DERA: variants seen among roughly 807,000 people sequenced by gnomAD.
The protein encoded by DERA is 2-deoxy-D-ribose 5-phosphate aldolase.
DERA carries 15 observed loss-of-function variants against 41.1 expected under a neutral mutation model. That is an observed-to-expected ratio of 0.37 (90% confidence interval 0.24 to 0.56). DERA has a LOEUF of 0.56. Among genes scored for constraint, DERA ranks in the 20% least tolerant of loss-of-function variants. The pLI is 0.81. For synonymous variants in DERA, 139 were observed against 137.4 expected (o/e 1.01, Z -0.08); for missense variants, 396 against 403.4 (o/e 0.98, Z 0.16).
In DERA at chr12:15,922,455, C is replaced by T. The variant is rs1948251049; in HGVS notation, c.31+11041C>T. Reference sequence around the variant, plus strand: ...GTCTGCAGATGAATGCTATATTTGACTGAGTGTTGCATTAAACTACTAATA... The same window carrying T: ...GTCTGCAGATGAATGCTATATTTGATTGAGTGTTGCATTAAACTACTAATA... On this transcript the variant is annotated intron_variant, in intron 1 of 8. Transcript: ENST00000428559. The surrounding 1 kb of genome is among the most constrained non-coding windows in gnomAD (Gnocchi z 4.9). Among the ~76,000 whole-genome samples the T allele has an allele frequency of 1.3e-5, 2 of 152,146 alleles. No individual in the cohort carries two copies. The highest frequency in any genetic ancestry group is 2.1e-4 in the South Asian group (1 of 4,830).
chr12:16,021,817 G>A lies in DERA; in HGVS notation c.638-10725G>A, dbSNP rs1037027072. Among the ~76,000 whole-genome samples the A allele has an allele frequency of 3.3e-5, 5 of 152,146 alleles. No homozygotes were observed. Among genetic ancestry groups the A allele is most frequent in the African/African-American group, 4.8e-5 (2 of 41,422 alleles). ...TTTTTTGGCTGATTTCTCCCTTTGG[G>A]AATGGTAATGTTTACCCAGCACCTT... On this transcript the variant is annotated intron_variant, in intron 6 of 8. Coordinates refer to ENST00000428559, the MANE Select transcript of DERA (RefSeq NM_015954.4). The surrounding 1 kb of genome is among the most constrained non-coding windows in gnomAD (Gnocchi z 5.3).
rs1591993883 is a variant in DERA, at chr12:15,911,497, T to A, written c.31+83T>A. 1.5e-6 allele frequency: 2 copies of A among 1,310,482 alleles called. No individual in the cohort carries two copies. Among genetic ancestry groups the A allele is most frequent in the Non-Finnish European group, 2.0e-6 (2 of 989,514 alleles). The allele number at this position is 1,310,482 out of a possible 1,614,324, so 81.2% of individuals were successfully genotyped here. ...TAGCGCGGGGCCTGCTGCCGCCCAGTGCCCTGGCTGTGGGTCCCCGAGGGG... is the reference window on the plus strand; with the variant it reads ...TAGCGCGGGGCCTGCTGCCGCCCAGAGCCCTGGCTGTGGGTCCCCGAGGGG... On this transcript the variant is annotated intron_variant, in intron 1 of 8. Coordinates refer to ENST00000428559, the MANE Select transcript of DERA (RefSeq NM_015954.4). The surrounding 1 kb of genome is among the most constrained non-coding windows in gnomAD (Gnocchi z 4.5).
In DERA at chr12:15,960,336, TATA is replaced by T. The variant is rs1168265562; in HGVS notation, c.373+421_373+423del. ...TTCTGTTATACATATATATGTAAAA[TATA>T]ATAATAATGATATGCGGGCTGGGGA... On this transcript the variant is annotated intron_variant, in intron 4 of 8. Coordinates refer to ENST00000428559, the MANE Select transcript of DERA (RefSeq NM_015954.4). Among the ~76,000 whole-genome samples, 21 of 150,326 alleles carry T rather than the reference TATA, an allele frequency of 1.4e-4. No homozygotes were observed. In the South Asian group the frequency reaches 3.8e-3, roughly 27 times the overall value.
chr12:15,958,554 A>G (rs544094537), intron 3 of DERA, among the ~76,000 whole-genome samples: 1 of 147,658 alleles, frequency 6.8e-6, no homozygotes, highest in South Asian at 2.2e-4. Flanking sequence ...CTTTCCATCA[A>G]TGGATTAAAA....
rs906425837 is a variant in DERA at position 15,954,792 on chromosome 12, A to G, written c.32-2144A>G. Reference sequence around the variant, plus strand: ...GGTGCGTTGGGAGTAGAGAATGGGAAGGACTTCAGGGGTGTCCTGTGACCG... The same window carrying G: ...GGTGCGTTGGGAGTAGAGAATGGGAGGGACTTCAGGGGTGTCCTGTGACCG... On this transcript the variant is annotated intron_variant, in intron 1 of 8. Coordinates refer to ENST00000428559, the MANE Select transcript of DERA (RefSeq NM_015954.4). The surrounding 1 kb of genome is among the most constrained non-coding windows in gnomAD (Gnocchi z 4.0). 1.3e-5 allele frequency among the ~76,000 whole-genome samples: 2 copies of G among 152,252 alleles called. No homozygotes were observed. Among genetic ancestry groups the G allele is most frequent in the Admixed American group, 1.3e-4 (2 of 15,298 alleles).
intron 1 of DERA, among the ~76,000 whole-genome samples, chr12:15,948,215 C>T (rs577958751): frequency 2.0e-5 from 3 of 152,184 alleles, no homozygotes; most frequent in South Asian, 2.1e-4. Flanking sequence ...ATCTTTGTGG[C>T]GTTCTCTGTA....
Position 16,024,882 on chromosome 12 carries a change from A to G in DERA, c.638-7660A>G, listed in dbSNP as rs918683310. 4.6e-5 allele frequency among the ~76,000 whole-genome samples: 7 copies of G among 152,218 alleles called. No homozygotes were observed. The South Asian group carries it at 1.0e-3, about 23-fold the overall frequency. ...TAATATAACAATTTATTGAATTGTTATATTACCAGATAGGTAAGCTGAAAT... is the reference window on the plus strand; with the variant it reads ...TAATATAACAATTTATTGAATTGTTGTATTACCAGATAGGTAAGCTGAAAT... On this transcript the variant is annotated intron_variant, in intron 6 of 8. Coordinates refer to ENST00000428559, the MANE Select transcript of DERA (RefSeq NM_015954.4).
intron 6 of DERA, among the ~76,000 whole-genome samples, chr12:15,991,249 G>T (rs1948800225): frequency 6.6e-6 from 1 of 152,132 alleles, no homozygotes; most frequent in African/African-American, 2.4e-5. Flanking sequence ...CCACATGTAT[G>T]TCTTCTTTTG....
chr12:15,918,556 T>C lies in DERA; in HGVS notation c.31+7142T>C, dbSNP rs1948218008. Among the ~76,000 whole-genome samples the C allele has an allele frequency of 6.6e-6, 1 of 152,212 alleles. No individual in the cohort carries two copies. Among genetic ancestry groups the C allele is most frequent in the South Asian group, 2.1e-4 (1 of 4,834 alleles). On this transcript the variant is annotated intron_variant, in intron 1 of 8. Transcript: ENST00000428559. This position sits in a 1 kb window ranked among gnomAD's most constrained non-coding sequence, Gnocchi z 4.3. ...GGGAAGGGGGCCAGAATAATTTGTT[T>C]TTTTTAATTTTTAAAATGTAAATAT...
intron 6 of DERA, among the ~76,000 whole-genome samples, chr12:16,030,131 G>A (rs768211577): frequency 4.1e-5 from 6 of 147,340 alleles, no homozygotes; most frequent in Admixed American, 2.7e-4. Flanking sequence ...ATGGAGTTTC[G>A]CTATGTTGGC....
At position 15,984,223 on chromosome 12, in the gene DERA, C is replaced by A. The variant is rs1248352308; in HGVS notation, c.637+1787C>A. Among the ~76,000 whole-genome samples the A allele has an allele frequency of 6.6e-6, 1 of 152,156 alleles. No homozygotes were observed. Among genetic ancestry groups the A allele is most frequent in the Non-Finnish European group, 1.5e-5 (1 of 68,036 alleles). On this transcript the variant is annotated intron_variant, in intron 6 of 8. Coordinates refer to ENST00000428559, the MANE Select transcript of DERA (RefSeq NM_015954.4). This position sits in a 1 kb window ranked among gnomAD's most constrained non-coding sequence, Gnocchi z 4.5. ...GTTACCCCAGCTGTTATCCTGGTCACAATGAAAGTGTATTCATTCTGGGAG... is the reference window on the plus strand; with the variant it reads ...GTTACCCCAGCTGTTATCCTGGTCAAAATGAAAGTGTATTCATTCTGGGAG...
chr12:15,994,150 C>G lies in DERA; in HGVS notation c.637+11714C>G, dbSNP rs992461180. 1.3e-5 allele frequency among the ~76,000 whole-genome samples: 2 copies of G among 152,196 alleles called. No individual in the cohort carries two copies. Among genetic ancestry groups the G allele is most frequent in the Non-Finnish European group, 2.9e-5 (2 of 68,042 alleles). Reference sequence around the variant, plus strand: ...CTAGAAAAATTCACAGGTGCAAAGACTGGTACATAGTAAATGCCTAGTACA... The same window carrying G: ...CTAGAAAAATTCACAGGTGCAAAGAGTGGTACATAGTAAATGCCTAGTACA... On this transcript the variant is annotated intron_variant, in intron 6 of 8. Coordinates refer to ENST00000428559, the MANE Select transcript of DERA (RefSeq NM_015954.4). This position sits in a 1 kb window ranked among gnomAD's most constrained non-coding sequence, Gnocchi z 4.8.
Position 15,959,728 on chromosome 12 carries a change from C to T in DERA, c.278-101C>T, listed in dbSNP as rs1293548812. 3.5e-5 allele frequency: 24 copies of T among 689,348 alleles called. No homozygotes were observed. The Admixed American group carries it at 5.3e-4, about 15-fold the overall frequency. The allele number at this position is 689,348 out of a possible 1,614,324, so 42.7% of individuals were successfully genotyped here. The stretch of plus-strand genomic sequence containing the variant: ...TATTGTGGGGGAATTATTTTTTTCT[C>T]ATTTGATTTTTGCCAGTGTTGCGAT... On this transcript the variant is annotated intron_variant, in intron 3 of 8. Coordinates refer to ENST00000428559, the MANE Select transcript of DERA (RefSeq NM_015954.4). The surrounding 1 kb of genome is among the most constrained non-coding windows in gnomAD (Gnocchi z 4.5).
rs1333579101 is a variant in DERA, at chr12:16,037,159, T to A, written c.*413T>A. The stretch of plus-strand genomic sequence containing the variant: ...CAGGAGTCACTGATTCAGCACTAAT[T>A]TCCTGCTGTGAAAACTCATCTTTCA... On this transcript the variant is annotated 3_prime_UTR_variant, in exon 9 of 9. Coordinates refer to ENST00000428559, the MANE Select transcript of DERA (RefSeq NM_015954.4). This position sits in a 1 kb window ranked among gnomAD's most constrained non-coding sequence, Gnocchi z 6.7. 1 of 154,886 alleles carries A rather than the reference T, an allele frequency of 6.5e-6. No individual in the cohort carries two copies. Among genetic ancestry groups the A allele is most frequent in the African/African-American group, 2.4e-5 (1 of 41,534 alleles). 9.6% of individuals were successfully genotyped at this position (154,886 alleles called of 1,614,324 possible). A position where few individuals can be genotyped will look rare whatever the true frequency, so the allele number is the denominator to read the frequency against.
intron 1 of DERA, among the ~76,000 whole-genome samples, chr12:15,945,967 T>C (rs539065643): frequency 6.6e-6 from 1 of 152,326 alleles, no homozygotes; most frequent in East Asian, 1.9e-4. Context: ...TCAAAGGCCT[T>C]TTCTGCATCT....
At chr12:16,022,983 C>T (rs966059264) in intron 6 of DERA, among the ~76,000 whole-genome samples, 1 of 152,164 alleles carries the variant, frequency 6.6e-6, no homozygotes, top group Non-Finnish European at 1.5e-5. Context: ...AAAGCCTACT[C>T]TAGGACAAAA....
In DERA at chr12:15,958,199, C is replaced by A; in HGVS notation, c.141C>A (p.Leu47=). Residue 47 remains leucine (L), a synonymous_variant, in exon 3 of 9, where the codon CTC becomes CTA. Coordinates refer to ENST00000428559, the MANE Select transcript of DERA (RefSeq NM_015954.4). ...TVKKEWQAAW[L]LKAVTFIDLT... ...TTTGTTTAAACCAGGCTGCTTGGCT[C>A]CTGAAAGCTGTTACCTTTATAGATC... The A allele has an allele frequency of 6.4e-7, 1 of 1,562,868 alleles. No individual in the cohort carries two copies. Among genetic ancestry groups the A allele is most frequent in the South Asian group, 1.2e-5 (1 of 82,140 alleles).
At position 15,980,441 on chromosome 12, in the gene DERA, T is replaced by G. The variant is rs79498942; in HGVS notation, c.509-1867T>G. On this transcript the variant is annotated intron_variant, in intron 5 of 8. Coordinates refer to ENST00000428559, the MANE Select transcript of DERA (RefSeq NM_015954.4). Reference sequence around the variant, plus strand: ...GATTTTTAGATCAGAAGATTTTCCTTGTCACTTGTTCTTAGAAAACAAGTT... The same window carrying G: ...GATTTTTAGATCAGAAGATTTTCCTGGTCACTTGTTCTTAGAAAACAAGTT... 9.9e-4 allele frequency among the ~76,000 whole-genome samples: 151 copies of G among 152,390 alleles called. 1 individual carries two copies. In the East Asian group the frequency reaches 0.024, roughly 24 times the overall value.
chr12:15,970,367 G>T lies in DERA; in HGVS notation c.508+7420G>T, dbSNP rs193144924. 2.0e-5 allele frequency among the ~76,000 whole-genome samples: 3 copies of T among 152,162 alleles called. No homozygotes were observed. Among genetic ancestry groups the T allele is most frequent in the Admixed American group, 2.0e-4 (3 of 15,294 alleles). On this transcript the variant is annotated intron_variant, in intron 5 of 8. Coordinates refer to ENST00000428559, the MANE Select transcript of DERA (RefSeq NM_015954.4). The surrounding 1 kb of genome is among the most constrained non-coding windows in gnomAD (Gnocchi z 4.3). ...TTTAGATAGGAAACAGTCTTTAAAC[G>T]CTTGGATTCTTACTTAAATCATAAT...
Sources: allele counts gnomAD v4.1 joint callset (sites outside exome capture counted in the v4.1 genomes callset), GRCh38; gene constraint gnomAD v4.1.1; non-coding constraint Gnocchi (gnomAD v3.1); transcripts MANE v1.5; gene names NCBI Gene and HGNC (gene_info 2026-07-23, HGNC 2026-07-21).